The following FMNL2 variants were observed in gnomAD, a reference collection of about 807,000 sequenced individuals.
FMNL2 encodes the protein formin-like protein 2.
Under a neutral mutation model 130.2 loss-of-function variants are expected in FMNL2, and 51 were observed. The ratio of observed to expected loss-of-function variants is 0.39; its 90% CI spans 0.31 to 0.49. The LOEUF is 0.49. Among genes scored for constraint, FMNL2 ranks in the 20% least tolerant of loss-of-function variants. FMNL2 has a pLI of 0.85. For synonymous variants in FMNL2, 465 were observed against 467.1 expected, an observed-to-expected ratio of 1.00 and a Z score of 0.06; for missense variants, 977 against 1,316.2, an observed-to-expected ratio of 0.74 and a Z score of 3.99.
At chr2:152,646,463 T>C (rs904106069) in intron 25 of FMNL2, among the ~76,000 whole-genome samples, 2 of 152,154 alleles carry the variant, frequency 1.3e-5, no homozygotes, top group African/African-American at 4.8e-5. Flanking sequence ...CTCCAACTTC[T>C]TTTTGCTGTG....
chr2:152,532,779 C>T (rs10211164), intron 2 of FMNL2, among the ~76,000 whole-genome samples: 84,160 of 151,498 alleles, frequency 0.56, 24,096 homozygotes, highest in Non-Finnish European at 0.63. Context: ...AGCTAATTTT[C>T]GTATTTTTAG....
chr2:152,555,984 C>T (rs1695183219), intron 4 of FMNL2, among the ~76,000 whole-genome samples: 1 of 152,178 alleles, frequency 6.6e-6, no homozygotes, highest in Admixed American at 6.6e-5. Context: ...CCTTTAGATT[C>T]CAGTTACTGC....
In FMNL2 at chr2:152,417,692, C is replaced by T. The variant is rs541094032; in HGVS notation, c.117+81972C>T. On this transcript the variant is annotated intron_variant, in intron 1 of 25. Coordinates refer to ENST00000288670, the MANE Select transcript of FMNL2 (RefSeq NM_052905.4). ...CTTCCATCTACGGTTGCTGCCTGCT[C>T]CTCTGACATGTAACTCACCTCCTCT... Among the ~76,000 whole-genome samples, 3 of 152,228 alleles carry T rather than the reference C, an allele frequency of 2.0e-5. 1 individual carries two copies. The highest frequency in any genetic ancestry group is 7.2e-5 in the African/African-American group (3 of 41,556).
chr2:152,504,231 G>C (rs924148550), intron 1 of FMNL2, among the ~76,000 whole-genome samples: 7 of 151,598 alleles, frequency 4.6e-5, no homozygotes, highest in Admixed American at 3.3e-4. Flanking sequence ...CCTTTGCTAA[G>C]ATGACTCCTA....
At chr2:152,392,230 C>T (rs1393454798) in intron 1 of FMNL2, among the ~76,000 whole-genome samples, 1 of 151,942 alleles carries the variant, frequency 6.6e-6, no homozygotes, top group Non-Finnish European at 1.5e-5. Flanking sequence ...TGTCAGAGTT[C>T]TGTTTGAGGT....
At chr2:152,537,890 A>G (rs552957413) in intron 2 of FMNL2, among the ~76,000 whole-genome samples, 46 of 142,846 alleles carry the variant, frequency 3.2e-4, no homozygotes, top group African/African-American at 1.1e-3. Context: ...GACCTTACAC[A>G]TACACACACA....
Position 152,629,694 on chromosome 2 carries a change from G to A in FMNL2, c.2439G>A (p.Lys813=), listed in dbSNP as rs1167571553. The A allele has an allele frequency of 3.7e-6, 6 of 1,603,480 alleles. No homozygotes were observed. The highest frequency in any genetic ancestry group is 5.1e-6 in the Non-Finnish European group (6 of 1,174,516). Residue 813 remains lysine (K), a synonymous_variant, in exon 19 of 26, where the codon AAG becomes AAA. Coordinates refer to ENST00000288670, the MANE Select transcript of FMNL2 (RefSeq NM_052905.4). ...HAIIAASVSI[K]SSQKLKKILE... ...TTATAGCAGCATCTGTCTCTATAAA[G>A]TCGTCCCAAAAACTCAAGAAAATTC... is the stretch of plus-strand genomic sequence containing the variant.
At chr2:152,414,354 A>G (rs937906985) in intron 1 of FMNL2, among the ~76,000 whole-genome samples, 3 of 151,964 alleles carry the variant, frequency 2.0e-5, no homozygotes, top group Non-Finnish European at 1.5e-5. Context: ...TGTTACCCTT[A>G]TTTCCTACTT....
At chr2:152,565,227 A>C (rs184902376) in intron 6 of FMNL2, among the ~76,000 whole-genome samples, 2 of 152,336 alleles carry the variant, frequency 1.3e-5, no homozygotes, top group African/African-American at 4.8e-5. Context: ...TAGCAAGTAA[A>C]TGAGTTTTTA....
chr2:152,618,832 G>A lies in FMNL2; in HGVS notation c.1315-14G>A. The A allele has an allele frequency of 6.4e-7, 1 of 1,571,908 alleles. No individual in the cohort carries two copies. Among genetic ancestry groups the A allele is most frequent in the Non-Finnish European group, 8.6e-7 (1 of 1,160,422 alleles). ...TATGTGAAGATAAACTCTTGACCTTGGACTTTATTGCAGGAAATCTACAAA... is the reference window on the plus strand; with the variant it reads ...TATGTGAAGATAAACTCTTGACCTTAGACTTTATTGCAGGAAATCTACAAA... On this transcript the variant is annotated splice_polypyrimidine_tract_variant and intron_variant, in intron 13 of 25. Coordinates refer to ENST00000288670, the MANE Select transcript of FMNL2 (RefSeq NM_052905.4).
chr2:152,584,549 G>A (rs1207035979), intron 9 of FMNL2, among the ~76,000 whole-genome samples: 1 of 152,182 alleles, frequency 6.6e-6, no homozygotes, highest in Non-Finnish European at 1.5e-5. Flanking sequence ...TTTGATCACT[G>A]TTAGAGCATA....
chr2:152,643,126 C>CT (rs1351027612), intron 25 of FMNL2, among the ~76,000 whole-genome samples: 2 of 152,166 alleles, frequency 1.3e-5, no homozygotes, highest in African/African-American at 4.8e-5. Context: ...TTTCTATTTG[C>CT]TTGATCTAAG....
intron 4 of FMNL2, among the ~76,000 whole-genome samples, chr2:152,554,579 T>G (rs1322190513): frequency 1.3e-5 from 2 of 152,226 alleles, no homozygotes; most frequent in African/African-American, 4.8e-5. Flanking sequence ...AAAAATCACA[T>G]TTGTTAATAA....
At chr2:152,525,824 CT>C (rs1414537545) in intron 2 of FMNL2, among the ~76,000 whole-genome samples, 9 of 152,152 alleles carry the variant, frequency 5.9e-5, no homozygotes, top group African/African-American at 2.2e-4. Flanking sequence ...GCCAGTGGCA[CT>C]AAGAAGCCTC....
At chr2:152,639,878 G>A in intron 23 of FMNL2, 80 bp from the exon 24 acceptor site, 3 of 1,221,180 alleles carry the variant, frequency 2.5e-6, no homozygotes, top group Non-Finnish European at 3.4e-6. Flanking sequence ...CACTAAGGAT[G>A]CTTGAAGAAT....
chr2:152,560,654 C>T (rs1695471331), intron 5 of FMNL2, among the ~76,000 whole-genome samples: 1 of 152,140 alleles, frequency 6.6e-6, no homozygotes. Context: ...TTTTGCTGCT[C>T]ATTGTTCCAT....
rs72864916 is a variant in FMNL2 at position 152,440,097 on chromosome 2, T to C, written c.118-81846T>C. On this transcript the variant is annotated intron_variant, in intron 1 of 25. Transcript: ENST00000288670. ...AGCCTGCCTTAACTAAATGGAAGAA[T>C]TGGGGCTTTACTGCATGTTTATTAT... Among the ~76,000 whole-genome samples, 701 of 152,030 alleles carry C rather than the reference T, an allele frequency of 4.6e-3. 4 individuals are homozygous for C. The highest frequency in any genetic ancestry group is 7.2e-3 in the Non-Finnish European group (491 of 67,940).
chr2:152,590,715 A>C (rs915717858), intron 9 of FMNL2, among the ~76,000 whole-genome samples: 2 of 151,978 alleles, frequency 1.3e-5, no homozygotes, highest in African/African-American at 4.8e-5. Flanking sequence ...ATATATAAAT[A>C]ATATATATGT....
chr2:152,434,309 A>T (rs143651560), intron 1 of FMNL2, among the ~76,000 whole-genome samples: 1 of 152,282 alleles, frequency 6.6e-6, no homozygotes, highest in African/African-American at 2.4e-5. Context: ...TACAAATGGC[A>T]GGGGGTATGG....
Sources: allele counts gnomAD v4.1 joint callset (sites outside exome capture counted in the v4.1 genomes callset), GRCh38; gene constraint gnomAD v4.1.1; transcripts MANE v1.5; gene names NCBI Gene and HGNC (gene_info 2026-07-23, HGNC 2026-07-21).